The following CCSER1 variants were observed in gnomAD, a reference collection of about 807,000 sequenced individuals.
CCSER1 encodes the protein serine-rich coiled-coil domain-containing protein 1.
Under a neutral mutation model 82.0 loss-of-function variants are expected in CCSER1, and 41 were observed. The ratio of observed to expected loss-of-function variants is 0.50; its 90% CI spans 0.39 to 0.65. The LOEUF (loss-of-function observed/expected upper bound fraction) is 0.65. CCSER1 is among the 30% of genes least tolerant of loss of function. The pLI is 0.00. For missense variants in CCSER1, 1,119 were observed against 1,064.2 expected (o/e 1.05, Z -0.72); for synonymous variants, 414 against 383.9 (o/e 1.08, Z -0.92).
chr4:90,190,422 A>G (rs1053961296), intron 1 of CCSER1, among the ~76,000 whole-genome samples: 1 of 152,088 alleles, frequency 6.6e-6, no homozygotes, highest in East Asian at 1.9e-4. Flanking sequence ...AGGTCAGAAT[A>G]GAGATTTCAT....
intron 6 of CCSER1, among the ~76,000 whole-genome samples, chr4:90,658,636 C>T (rs370717238): frequency 3.9e-5 from 6 of 152,094 alleles, no homozygotes; most frequent in African/African-American, 1.4e-4. Flanking sequence ...GAAATCATGA[C>T]GTTTTAGGTC....
chr4:90,808,778 T>C (rs1457661671), intron 7 of CCSER1, among the ~76,000 whole-genome samples: 1 of 152,178 alleles, frequency 6.6e-6, no homozygotes, highest in African/African-American at 2.4e-5. Context: ...ATGGAATACT[T>C]ATGCACTGCT....
chr4:90,379,773 A>G (rs561464338), intron 3 of CCSER1, among the ~76,000 whole-genome samples: 7 of 152,160 alleles, frequency 4.6e-5, no homozygotes, highest in Non-Finnish European at 8.8e-5. Context: ...GAAATATCCG[A>G]GACTGGGTAA....
chr4:91,582,969 G>A (rs1763803826), intron 10 of CCSER1, among the ~76,000 whole-genome samples: 1 of 151,296 alleles, frequency 6.6e-6, no homozygotes, highest in Non-Finnish European at 1.5e-5. Context: ...GCTAAAGATA[G>A]CAAACTGAAT....
At chr4:90,879,536 A>G (rs62312263) in intron 8 of CCSER1, among the ~76,000 whole-genome samples, 23,656 of 137,866 alleles carry the variant, frequency 0.17, 2,112 homozygotes, top group African/African-American at 0.23. Context: ...AAGAGGAAGA[A>G]GAAGAAAGAA....
chr4:90,179,279 A>G (rs1175403267), intron 1 of CCSER1, among the ~76,000 whole-genome samples: 1 of 152,190 alleles, frequency 6.6e-6, no homozygotes, highest in Non-Finnish European at 1.5e-5. Flanking sequence ...CCCAGAGATA[A>G]CCTAAGGATA....
chr4:90,689,817 G>A (rs182164279), intron 6 of CCSER1, among the ~76,000 whole-genome samples: 1 of 152,206 alleles, frequency 6.6e-6, no homozygotes, highest in East Asian at 1.9e-4. Context: ...TAAATTACAG[G>A]TCAGAGGTTG....
intron 8 of CCSER1, among the ~76,000 whole-genome samples, chr4:90,896,680 C>T (rs958986578): frequency 6.6e-6 from 1 of 151,770 alleles, no homozygotes; most frequent in Non-Finnish European, 1.5e-5. Context: ...ACTGGGAGCA[C>T]TGGTGAAAAA....
chr4:91,194,388 ATAATTC>A (rs1735239797), intron 10 of CCSER1, among the ~76,000 whole-genome samples: 1 of 152,230 alleles, frequency 6.6e-6, no homozygotes. Flanking sequence ...AAGCCAAAAT[ATAATTC>A]TAGTTCAAAG....
chr4:91,418,884 G>T (rs1753532842), intron 10 of CCSER1, among the ~76,000 whole-genome samples: 1 of 151,852 alleles, frequency 6.6e-6, no homozygotes, highest in Non-Finnish European at 1.5e-5. Flanking sequence ...CACATTAAAA[G>T]AATCATAAAC....
chr4:91,100,857 A>G (rs776993790), intron 10 of CCSER1, among the ~76,000 whole-genome samples: 14 of 152,200 alleles, frequency 9.2e-5, no homozygotes, highest in Non-Finnish European at 1.5e-4. Context: ...AACTAAGCTT[A>G]GTAGATCTAC....
At chr4:91,492,896 T>C (rs1332980744) in intron 10 of CCSER1, among the ~76,000 whole-genome samples, 1 of 152,008 alleles carries the variant, frequency 6.6e-6, no homozygotes, top group Non-Finnish European at 1.5e-5. Flanking sequence ...GATTTTGTGT[T>C]CTGGTAGCAT....
chr4:90,267,105 G>T (rs2153451626), intron 1 of CCSER1, among the ~76,000 whole-genome samples: 1 of 152,150 alleles, frequency 6.6e-6, no homozygotes, highest in South Asian at 2.1e-4. Flanking sequence ...CCAGAGGGGA[G>T]CCCAGTGTTA....
At chr4:90,157,621 A>T (rs1578236833) in intron 1 of CCSER1, among the ~76,000 whole-genome samples, 1 of 151,880 alleles carries the variant, frequency 6.6e-6, no homozygotes, top group South Asian at 2.1e-4. Context: ...CATTTCATTC[A>T]TTTCATCTTC....
chr4:91,228,749 A>G (rs527521374), intron 10 of CCSER1, among the ~76,000 whole-genome samples: 25 of 152,196 alleles, frequency 1.6e-4, no homozygotes, highest in African/African-American at 5.3e-4. Context: ...AAAAATAAGA[A>G]CAAGAAAAAA....
chr4:90,414,110 G>A (rs56738171), intron 4 of CCSER1, among the ~76,000 whole-genome samples: 1 of 147,456 alleles, frequency 6.8e-6, no homozygotes, highest in African/African-American at 2.5e-5. Context: ...AAGCCAGGAA[G>A]AACAATTTCA....
intron 10 of CCSER1, among the ~76,000 whole-genome samples, chr4:91,096,799 A>G (rs1165045709): frequency 2.0e-5 from 3 of 152,176 alleles, no homozygotes; most frequent in Non-Finnish European, 4.4e-5. Flanking sequence ...CACTCACCAC[A>G]AAACAAAGAA....
intron 9 of CCSER1, among the ~76,000 whole-genome samples, chr4:91,063,344 G>A (rs1448522222): frequency 4.6e-5 from 7 of 152,250 alleles, no homozygotes; most frequent in Admixed American, 1.3e-4. Context: ...GGCATGTGAT[G>A]TAATTAGCAG....
intron 10 of CCSER1, among the ~76,000 whole-genome samples, chr4:91,245,445 A>G (rs965068235): frequency 1.6e-4 from 24 of 152,170 alleles, no homozygotes; most frequent in African/African-American, 5.8e-4. Context: ...AACATCTAAT[A>G]GCAGACTTTT....
Sources: gnomAD v4.1 joint callset for allele counts (sites outside exome capture counted in the v4.1 genomes callset) on GRCh38, gnomAD v4.1.1 for gene constraint, MANE v1.5 for transcripts, NCBI Gene and HGNC (gene_info 2026-07-23, HGNC 2026-07-21) for gene names.